The following ME3 variants were observed in gnomAD, a reference collection of about 807,000 sequenced individuals.
The protein encoded by ME3 is NADP-dependent malic enzyme, mitochondrial.
Under a neutral mutation model 68.9 loss-of-function variants are expected in ME3, and 48 were observed. The observed-to-expected ratio is 0.70, with a 90% CI of 0.55 to 0.89. ME3 has a LOEUF of 0.89. Ranked by LOEUF, ME3 falls within the 40% of genes least tolerant of loss-of-function variation. ME3 has a pLI of 0.00. For synonymous variants in ME3, 320 were observed against 318.8 expected (o/e 1.00, Z -0.04); for missense variants, 675 against 797.4 (o/e 0.85, Z 1.85).
chr11:86,447,041 G>A, intron 12 of ME3, 24 bp downstream of exon 12: 1 of 1,611,622 alleles, frequency 6.2e-7, no homozygotes, highest in Middle Eastern at 1.7e-4. Context: ...TCTCAGCCGG[G>A]GGAAGGAAGG....
chr11:86,641,106 A>G (rs2135380816), intron 2 of ME3, among the ~76,000 whole-genome samples: 1 of 152,264 alleles, frequency 6.6e-6, no homozygotes, highest in East Asian at 1.9e-4. Flanking sequence ...ATATATTTAA[A>G]TTAAGTATAG....
chr11:86,508,092 G>A (rs868432754), intron 5 of ME3, among the ~76,000 whole-genome samples: 1 of 152,088 alleles, frequency 6.6e-6, no homozygotes, highest in South Asian at 2.1e-4. Context: ...AGAAGTGGCA[G>A]GTTTATTTTG....
In ME3 at chr11:86,573,799, T is replaced by C. The variant is rs536324269; in HGVS notation, c.184-13976A>G. ...AAATACCTCTTATTATATTGAGATATGTTCCATCAATACCTAGTTTATTGA... is the reference window on the plus strand; with the variant it reads ...AAATACCTCTTATTATATTGAGATACGTTCCATCAATACCTAGTTTATTGA... On this transcript the variant is annotated intron_variant, in intron 2 of 14. Transcript: ENST00000543262. 5.9e-5 allele frequency among the ~76,000 whole-genome samples: 9 copies of C among 152,322 alleles called. No homozygotes were observed. The East Asian group carries it at 1.3e-3, about 23-fold the overall frequency.
At chr11:86,501,525 A>G (rs936899058) in intron 5 of ME3, among the ~76,000 whole-genome samples, 1 of 152,214 alleles carries the variant, frequency 6.6e-6, no homozygotes, top group South Asian at 2.1e-4. Flanking sequence ...ATCCATTGTT[A>G]TGGCTCCTAC....
At chr11:86,571,277 CA>C (rs1327533826) in intron 2 of ME3, among the ~76,000 whole-genome samples, 3 of 152,118 alleles carry the variant, frequency 2.0e-5, no homozygotes, top group African/African-American at 7.2e-5. Flanking sequence ...ATTTCTTCAA[CA>C]AAAAAGTATT....
intron 2 of ME3, among the ~76,000 whole-genome samples, chr11:86,568,586 G>C (rs75225704): frequency 6.6e-6 from 1 of 152,204 alleles, no homozygotes; most frequent in Non-Finnish European, 1.5e-5. Flanking sequence ...ATCAGAGGGA[G>C]GATATTTCAA....
chr11:86,636,110 C>T (rs1166907804), intron 2 of ME3, among the ~76,000 whole-genome samples: 1 of 152,052 alleles, frequency 6.6e-6, no homozygotes, highest in Non-Finnish European at 1.5e-5. Context: ...AAGCCTGAAG[C>T]TTCTGAGGGG....
At chr11:86,522,248 TCAAACAAACAAA>T (rs67315994) in intron 4 of ME3, among the ~76,000 whole-genome samples, 10 of 150,122 alleles carry the variant, frequency 6.7e-5, no homozygotes, top group African/African-American at 1.5e-4. Flanking sequence ...AGACTCTGTC[TCAAACAAACAAA>T]CAAACAAACA....
In ME3 at chr11:86,632,125, C is replaced by A. The variant is rs544798832; in HGVS notation, c.183+39637G>T. Reference sequence around the variant, plus strand: ...TACCTTGTCCATGGCCACATAGTTTCTGTGATTCCAACTCTGACCTGCCTG... The same window carrying A: ...TACCTTGTCCATGGCCACATAGTTTATGTGATTCCAACTCTGACCTGCCTG... On this transcript the variant is annotated intron_variant, in intron 2 of 14. Transcript: ENST00000543262. Among the ~76,000 whole-genome samples, 168 of 152,344 alleles carry A rather than the reference C, an allele frequency of 1.1e-3. 1 individual carries two copies. Among genetic ancestry groups the A allele is most frequent in the African/African-American group, 3.5e-3 (147 of 41,566 alleles).
At chr11:86,448,861 G>A (rs910187621) in intron 10 of ME3, among the ~76,000 whole-genome samples, 1 of 152,140 alleles carries the variant, frequency 6.6e-6, no homozygotes, top group Non-Finnish European at 1.5e-5. Context: ...TGGATTAGCT[G>A]GCCTCATAGG....
chr11:86,482,951 C>T (rs900879177), intron 7 of ME3, among the ~76,000 whole-genome samples: 2 of 152,134 alleles, frequency 1.3e-5, no homozygotes, highest in Non-Finnish European at 2.9e-5. Context: ...AATGTTAAGC[C>T]AGTAAGATTT....
chr11:86,576,754 G>A (rs961558070), intron 2 of ME3, among the ~76,000 whole-genome samples: 2 of 152,262 alleles, frequency 1.3e-5, no homozygotes, highest in African/African-American at 4.8e-5. Flanking sequence ...TTCATTCAGG[G>A]CTCACATGTG....
intron 2 of ME3, among the ~76,000 whole-genome samples, chr11:86,630,716 C>A (rs1391503927): frequency 6.6e-6 from 1 of 152,246 alleles, no homozygotes; most frequent in East Asian, 1.9e-4. Flanking sequence ...CACCCAGCGT[C>A]TCCTCAGAAG....
chr11:86,543,596 A>T (rs1956179982), intron 4 of ME3, among the ~76,000 whole-genome samples: 1 of 152,240 alleles, frequency 6.6e-6, no homozygotes, highest in Non-Finnish European at 1.5e-5. Flanking sequence ...AGGCAACAAG[A>T]AGAGCTAACT....
At chr11:86,597,107 T>A (rs892805530) in intron 2 of ME3, among the ~76,000 whole-genome samples, 1 of 152,154 alleles carries the variant, frequency 6.6e-6, no homozygotes, top group Non-Finnish European at 1.5e-5. Context: ...GCAGATTAGG[T>A]AATAACAGGT....
intron 2 of ME3, among the ~76,000 whole-genome samples, chr11:86,640,531 ACAGGCCTTAGCCATCTGG>A (rs1471135962): frequency 1.3e-5 from 2 of 152,212 alleles, no homozygotes; most frequent in African/African-American, 4.8e-5. Flanking sequence ...CACTGACTGG[ACAGGCCTTAGCCATCTGG>A]CCTGGTTGTT....
chr11:86,525,387 G>A (rs538744239), intron 4 of ME3, among the ~76,000 whole-genome samples: 2 of 151,880 alleles, frequency 1.3e-5, no homozygotes, highest in Non-Finnish European at 2.9e-5. Flanking sequence ...AAGGAACAGA[G>A]GATCCACAAA....
intron 2 of ME3, among the ~76,000 whole-genome samples, chr11:86,615,800 T>G (rs1942918241): frequency 6.6e-6 from 1 of 152,170 alleles, no homozygotes; most frequent in Admixed American, 6.5e-5. Flanking sequence ...GAAACCTAAG[T>G]CATGGCTCTT....
chr11:86,619,288 C>A (rs1943195264), intron 2 of ME3, among the ~76,000 whole-genome samples: 1 of 152,162 alleles, frequency 6.6e-6, no homozygotes, highest in African/African-American at 2.4e-5. Context: ...AATATGCAAT[C>A]TTGTTGGTGA....
Sources: gnomAD v4.1 joint callset for allele counts (sites outside exome capture counted in the v4.1 genomes callset) on GRCh38, gnomAD v4.1.1 for gene constraint, MANE v1.5 for transcripts, NCBI Gene and HGNC (gene_info 2026-07-23, HGNC 2026-07-21) for gene names.